Variants in SLTM observed in about 807,000 individuals in gnomAD.
SLTM encodes the protein SAFB-like transcription modulator.
SLTM carries 43 observed loss-of-function variants against 134.6 expected under a neutral mutation model. The observed-to-expected ratio is 0.32, with a 90% CI of 0.25 to 0.41. SLTM has a LOEUF of 0.41. Ranked by LOEUF, SLTM falls within the 10% of genes least tolerant of loss-of-function variation. The pLI is 1.00. For missense variants in SLTM, 1,055 were observed against 1,288.8 expected, an observed-to-expected ratio of 0.82 and a Z score of 2.78; for synonymous variants, 424 against 432.3, an observed-to-expected ratio of 0.98 and a Z score of 0.24.
intron 2 of SLTM, among the ~76,000 whole-genome samples, chr15:58,921,941 ATT>A (rs1464908665): frequency 6.6e-5 from 10 of 152,102 alleles, no homozygotes; most frequent in Middle Eastern, 3.4e-3. Flanking sequence ...ACCCCAGCTA[ATT>A]TTTGTATTTT....
At chr15:58,894,373 A>G (rs2034906606) in intron 10 of SLTM, 60 bp downstream of exon 10, 2 of 1,583,964 alleles carry the variant, frequency 1.3e-6, no homozygotes, top group Admixed American at 1.7e-5. Context: ...GTTAACAGCT[A>G]TGAGTTGAGA....
chr15:58,933,566 C>T lies in SLTM; in HGVS notation c.-1G>A, dbSNP rs766301220. 3.3e-5 allele frequency: 53 copies of T among 1,586,864 alleles called. No homozygotes were observed. The highest frequency in any genetic ancestry group is 3.8e-5 in the Non-Finnish European group (44 of 1,168,392). ...CCACCGCACCGGTAGCGGCAGCCAT[C>T]TTAGAAGAGCAGCGCGCTGCCGAGG... On this transcript the variant is annotated 5_prime_UTR_variant, in exon 1 of 21. Transcript: ENST00000380516.
In SLTM at chr15:58,925,768, G is replaced by A. The variant is rs548747930; in HGVS notation, c.250+6588C>T. On this transcript the variant is annotated intron_variant, in intron 2 of 20. Coordinates refer to ENST00000380516, the MANE Select transcript of SLTM (RefSeq NM_024755.4). ...AAAGATGAACAGAATAAACAATTCC[G>A]GCACACTCCTTCAGGCAGGTGTGCC... Among the ~76,000 whole-genome samples, 6 of 151,994 alleles carry A rather than the reference G, an allele frequency of 3.9e-5. No individual in the cohort carries two copies. The South Asian group carries it at 1.0e-3, about 26-fold the overall frequency.
rs1440474706 is a variant in SLTM at position 58,899,893 on chromosome 15, G to C, written c.634C>G (p.Leu212Val). The C allele has an allele frequency of 1.2e-6, 2 of 1,613,716 alleles. No individual in the cohort carries two copies. The highest frequency in any genetic ancestry group is 1.7e-6 in the Non-Finnish European group (2 of 1,179,968). Residue 212 changes from leucine to valine, a missense_variant, in exon 7 of 21, where the codon CTT becomes GTT. Leu to Val is a conservative substitution (Grantham distance 32). Coordinates refer to ENST00000380516, the MANE Select transcript of SLTM (RefSeq NM_024755.4). The surrounding 1 kb of genome is among the most constrained non-coding windows in gnomAD (Gnocchi z 5.0). ...GDGTQEVSKP[L>V]PSEGSLAEAD... The stretch of plus-strand genomic sequence containing the variant: ...TCAGCTAGGCTCCCTTCTGAAGGAA[G>C]AGGTTTAGATACTTCTTGTGTACCA...
intron 16 of SLTM, 65 bp downstream of exon 16, chr15:58,889,365 C>T (rs1414323089): frequency 1.3e-6 from 2 of 1,590,012 alleles, no homozygotes; most frequent in Admixed American, 1.7e-5. Flanking sequence ...TTCTAATTCT[C>T]TAGTCTTAGC....
At position 58,887,247 on chromosome 15, in the gene SLTM, G is replaced by A; in HGVS notation, c.2669C>T (p.Ser890Phe). Residue 890 changes from serine (S) to phenylalanine (F), a missense_variant, in exon 18 of 21, where the codon TCC becomes TTC. Physicochemically the swap from Ser to Phe is radical, Grantham distance 155. Around this residue, in one of 3 missense-constraint regions of SLTM, gnomAD observed 776 missense variants for 962.2 expected, o/e 0.81. Transcript: ENST00000380516. Reference protein sequence around the residue: ...PTSWKSEGSMSTDKRETRVER... With the variant: ...PTSWKSEGSMFTDKRETRVER... ...CTACCTTGTTTCCCGTTTGTCAGTG[G>A]ACATGCTTCCTTCACTTTTCCAGCT... 6.2e-7 allele frequency: 1 copy of A among 1,614,064 alleles called. No individual in the cohort carries two copies.
intron 2 of SLTM, among the ~76,000 whole-genome samples, chr15:58,925,851 A>G (rs1434153153): frequency 6.6e-6 from 1 of 152,218 alleles, no homozygotes; most frequent in African/African-American, 2.4e-5. Flanking sequence ...TTACCTTTCT[A>G]TTCTACCAGT....
chr15:58,886,074 T>G (rs1201071178), intron 19 of SLTM, among the ~76,000 whole-genome samples: 2 of 152,072 alleles, frequency 1.3e-5, no homozygotes, highest in Non-Finnish European at 2.9e-5. Flanking sequence ...AATATTCAAG[T>G]CAATAAAGTG....
At chr15:58,885,282 G>A (rs900021825) in intron 19 of SLTM, among the ~76,000 whole-genome samples, 2 of 152,158 alleles carry the variant, frequency 1.3e-5, no homozygotes, top group African/African-American at 2.4e-5. Flanking sequence ...TTACAGGAAA[G>A]AAAGCAGAAG....
rs150498184 is a variant in SLTM, at chr15:58,914,389, A to G, written c.316-693T>C. Among the ~76,000 whole-genome samples the G allele has an allele frequency of 1.9e-3, 293 of 152,320 alleles. 1 individual carries two copies. Among genetic ancestry groups the G allele is most frequent in the African/African-American group, 6.7e-3 (277 of 41,574 alleles). On this transcript the variant is annotated intron_variant, in intron 3 of 20. Transcript: ENST00000380516. ...TTACGGTAAATCCAGCAGATTTAAG[A>G]AAAGGTTTCTGGGTTAAAAGGTGAA...
chr15:58,909,066 A>G (rs2036076397), intron 5 of SLTM, among the ~76,000 whole-genome samples: 1 of 152,198 alleles, frequency 6.6e-6, no homozygotes. Context: ...AGTAGCGAAC[A>G]CCTCCACCAC....
intron 3 of SLTM, among the ~76,000 whole-genome samples, chr15:58,915,613 A>G (rs1300992440): frequency 7.2e-5 from 11 of 152,310 alleles, no homozygotes; most frequent in Non-Finnish European, 1.3e-4. Flanking sequence ...GCATGCAATC[A>G]TCAATTTTAA....
chr15:58,928,678 G>A (rs1242185189), intron 2 of SLTM, among the ~76,000 whole-genome samples: 1 of 151,978 alleles, frequency 6.6e-6, no homozygotes, highest in Non-Finnish European at 1.5e-5. Context: ...TTTTATAAAA[G>A]AATAAGCTCA....
At chr15:58,903,171 A>C (rs528761002) in intron 5 of SLTM, among the ~76,000 whole-genome samples, 40 of 152,210 alleles carry the variant, frequency 2.6e-4, no homozygotes, top group African/African-American at 9.6e-4. Flanking sequence ...AAGTGCTTGG[A>C]TTACAAGCTG....
chr15:58,923,078 C>T (rs1350580121), intron 2 of SLTM, among the ~76,000 whole-genome samples: 2 of 152,004 alleles, frequency 1.3e-5, no homozygotes, highest in South Asian at 2.1e-4. Context: ...GAAAACAGGT[C>T]GGGCATGGTA....
intron 2 of SLTM, among the ~76,000 whole-genome samples, chr15:58,931,841 G>T (rs1415680492): frequency 1.3e-5 from 2 of 152,090 alleles, no homozygotes; most frequent in Non-Finnish European, 2.9e-5. Context: ...CCTCTACCTT[G>T]TTAGTATGAT....
At chr15:58,895,112 C>A (rs892118015) in intron 9 of SLTM, among the ~76,000 whole-genome samples, 16 of 152,114 alleles carry the variant, frequency 1.1e-4, no homozygotes, top group Non-Finnish European at 1.6e-4. Context: ...TTTATTTCCT[C>A]CCCTCAAATA....
chr15:58,894,487 A>G lies in SLTM; in HGVS notation c.1323T>C (p.Cys441=), dbSNP rs771734683. 6.2e-7 allele frequency: 1 copy of G among 1,614,158 alleles called. No individual in the cohort carries two copies. Among genetic ancestry groups the G allele is most frequent in the Non-Finnish European group, 8.5e-7 (1 of 1,180,002 alleles). The change falls in exon 10 of 21, where the codon TGT becomes TGC. Residue 441 remains cysteine, a synonymous_variant. Coordinates refer to ENST00000380516, the MANE Select transcript of SLTM (RefSeq NM_024755.4). ...TMSSSTEVSR[C]IAHLHRTELH... The stretch of plus-strand genomic sequence containing the variant: ...GCTCAGTGCGATGAAGATGTGCAAT[A>G]CACCTGGACACCTCTGTGCTTGAAG...
intron 2 of SLTM, among the ~76,000 whole-genome samples, chr15:58,928,431 A>G (rs2037636154): frequency 6.6e-6 from 1 of 152,190 alleles, no homozygotes; most frequent in Non-Finnish European, 1.5e-5. Context: ...AAGACTCAGG[A>G]AAGCCATTCT....
Sources: gnomAD v4.1 joint callset for allele counts (sites outside exome capture counted in the v4.1 genomes callset) on GRCh38, gnomAD v4.1.1 for gene constraint, gnomAD v4.1.1 regional missense constraint, Gnocchi (gnomAD v3.1) non-coding constraint, MANE v1.5 for transcripts, NCBI Gene and HGNC (gene_info 2026-07-23, HGNC 2026-07-21) for gene names.